The following ATP6V1H variants were observed in gnomAD, a reference collection of about 807,000 sequenced individuals.
ATP6V1H encodes V-type proton ATPase subunit H.
ATP6V1H carries 39 observed loss-of-function variants against 71.7 expected under a neutral mutation model. The ratio of observed to expected loss-of-function variants is 0.54; its 90% CI spans 0.42 to 0.71. The LOEUF (loss-of-function observed/expected upper bound fraction) is 0.71, where lower values mean the gene tolerates loss of function less well. ATP6V1H is among the 30% of genes least tolerant of loss of function. The pLI, the probability that ATP6V1H is intolerant of heterozygous loss-of-function variation, is 0.00. For missense variants in ATP6V1H, 509 were observed against 594.9 expected (o/e 0.86, Z 1.50); for synonymous variants, 192 against 199.3 (o/e 0.96, Z 0.31).
At position 53,808,573 on chromosome 8, in the gene ATP6V1H, G is replaced by C. The variant is rs143118571; in HGVS notation, c.579+2591C>G. ...GCCTGAGCTCAGGAGTTCAAGACCA[G>C]CCTGGACAACATAGCGAGACCTTGT... On this transcript the variant is annotated intron_variant, in intron 7 of 13. Transcript: ENST00000359530. Among the ~76,000 whole-genome samples the C allele has an allele frequency of 2.6e-5, 4 of 152,284 alleles. No individual in the cohort carries two copies. The East Asian group carries it at 7.7e-4, about 29-fold the overall frequency.
chr8:53,800,864 G>A (rs543051529), intron 8 of ATP6V1H, among the ~76,000 whole-genome samples: 1 of 152,144 alleles, frequency 6.6e-6, no homozygotes, highest in Admixed American at 6.5e-5. Flanking sequence ...TATTTTTAAA[G>A]GGTCTGTTGG....
Position 53,755,054 on chromosome 8 carries a change from C to T in ATP6V1H, c.1277+1501G>A, listed in dbSNP as rs547836295. The stretch of plus-strand genomic sequence containing the variant: ...TTTCAGTAAGGTTAAAGGGAGTGGC[C>T]ATGGTATAGCAGTGAGAGCTGCCTC... On this transcript the variant is annotated intron_variant, in intron 12 of 13. Coordinates refer to ENST00000359530, the MANE Select transcript of ATP6V1H (RefSeq NM_015941.4). Among the ~76,000 whole-genome samples the T allele has an allele frequency of 3.3e-3, 495 of 152,234 alleles. 3 individuals are homozygous for T. Among genetic ancestry groups the T allele is most frequent in the Non-Finnish European group, 6.0e-3 (406 of 68,010 alleles).
intron 11 of ATP6V1H, among the ~76,000 whole-genome samples, chr8:53,761,714 C>G (rs981020275): frequency 1.4e-4 from 21 of 152,156 alleles, no homozygotes; most frequent in African/African-American, 4.1e-4. Flanking sequence ...TTTGATTTGC[C>G]ATTTTGTTTA....
intron 11 of ATP6V1H, among the ~76,000 whole-genome samples, chr8:53,762,833 G>A (rs1003079955): frequency 2.7e-5 from 4 of 149,276 alleles, no homozygotes; most frequent in African/African-American, 7.5e-5. Context: ...CTTACACATG[G>A]ATTTTCTTAC....
At chr8:53,753,476 G>C (rs963058904) in intron 12 of ATP6V1H, among the ~76,000 whole-genome samples, 9 of 152,188 alleles carry the variant, frequency 5.9e-5, no homozygotes, top group African/African-American at 1.9e-4. Flanking sequence ...GGCATAGCAG[G>C]CTTCTGCCTT....
intron 13 of ATP6V1H, chr8:53,739,601 A>G (rs1447583840): frequency 6.6e-6 from 1 of 152,234 alleles, no homozygotes; most frequent in Non-Finnish European, 1.5e-5. Flanking sequence ...ATATGCACAT[A>G]TCGTTGCTTC....
chr8:53,780,754 T>C (rs955653497), intron 9 of ATP6V1H, among the ~76,000 whole-genome samples: 14 of 152,094 alleles, frequency 9.2e-5, no homozygotes, highest in African/African-American at 2.9e-4. Context: ...TGTGTTCTCA[T>C]TGTTCAATTC....
chr8:53,829,459 C>T lies in ATP6V1H; in HGVS notation c.291G>A (p.Val97=), dbSNP rs1810930638. The T allele has an allele frequency of 1.2e-6, 2 of 1,604,132 alleles. No homozygotes were observed. The highest frequency in any genetic ancestry group is 1.7e-5 in the Admixed American group (1 of 58,838). ...ATATACCTACCTGCAGCATATCATC[C>T]ACCATAGTTAGTATATACTGAACGG... ...EQTVQYILTM[V]DDMLQENHQR... Residue 97 remains valine (V), a synonymous_variant, in exon 4 of 14, where the codon GTG becomes GTA. Coordinates refer to ENST00000359530, the MANE Select transcript of ATP6V1H (RefSeq NM_015941.4).
chr8:53,770,276 T>C (rs2130313628), intron 10 of ATP6V1H, among the ~76,000 whole-genome samples: 1 of 152,248 alleles, frequency 6.6e-6, no homozygotes. Context: ...ATTGAATTAA[T>C]CCATTACAGA....
At chr8:53,837,886 G>C (rs1017512834) in intron 2 of ATP6V1H, among the ~76,000 whole-genome samples, 1 of 152,108 alleles carries the variant, frequency 6.6e-6, no homozygotes, top group Non-Finnish European at 1.5e-5. Context: ...TCTTTTGGAC[G>C]TAGAGCTGGA....
intron 13 of ATP6V1H, among the ~76,000 whole-genome samples, chr8:53,742,315 C>T (rs1458650246): frequency 1.3e-5 from 2 of 152,176 alleles, no homozygotes; most frequent in Non-Finnish European, 2.9e-5. Flanking sequence ...AGCACCTCCA[C>T]CCCTGAGTGT....
intron 9 of ATP6V1H, among the ~76,000 whole-genome samples, chr8:53,794,374 TA>T (rs1470549453): frequency 6.6e-6 from 1 of 152,230 alleles, no homozygotes; most frequent in Non-Finnish European, 1.5e-5. Context: ...CATTTTACTT[TA>T]TTTTTTTTGA....
chr8:53,729,872 A>G (rs899790763), intron 13 of ATP6V1H, among the ~76,000 whole-genome samples: 4 of 152,116 alleles, frequency 2.6e-5, no homozygotes, highest in Admixed American at 2.6e-4. Context: ...CTCTGGCTTC[A>G]CTCAGCAGGT....
At chr8:53,815,327 T>C (rs1810412183) in intron 5 of ATP6V1H, among the ~76,000 whole-genome samples, 1 of 152,236 alleles carries the variant, frequency 6.6e-6, no homozygotes, top group Non-Finnish European at 1.5e-5. Context: ...TAAAATTAAA[T>C]AGGCAATATA....
intron 2 of ATP6V1H, among the ~76,000 whole-genome samples, chr8:53,837,935 A>T: frequency 6.6e-6 from 1 of 152,066 alleles, no homozygotes; most frequent in Admixed American, 6.6e-5. Flanking sequence ...TGTGAGCAAA[A>T]GGGAAGCAGC....
intron 4 of ATP6V1H, among the ~76,000 whole-genome samples, chr8:53,821,616 G>A (rs1810664623): frequency 6.6e-6 from 1 of 152,202 alleles, no homozygotes; most frequent in African/African-American, 2.4e-5. Flanking sequence ...GAACTTGGGA[G>A]GTGGAGGTTG....
At chr8:53,747,224 C>A (rs1466406512) in intron 12 of ATP6V1H, among the ~76,000 whole-genome samples, 3 of 152,072 alleles carry the variant, frequency 2.0e-5, no homozygotes, top group Admixed American at 6.5e-5. Context: ...AATGATATCA[C>A]ACTATAACAT....
chr8:53,835,653 GTTTTCA>G (rs534946822), intron 2 of ATP6V1H, among the ~76,000 whole-genome samples: 11 of 151,550 alleles, frequency 7.3e-5, no homozygotes, highest in Non-Finnish European at 1.0e-4. Context: ...CTGTAACTTT[GTTTTCA>G]CACATGCTCA....
At chr8:53,746,422 GC>G (rs955739937) in intron 12 of ATP6V1H, among the ~76,000 whole-genome samples, 5 of 151,790 alleles carry the variant, frequency 3.3e-5, no homozygotes, top group Non-Finnish European at 7.4e-5. Flanking sequence ...TCACCACCAC[GC>G]CCAGCTCATT....
Sources: gnomAD v4.1 joint callset for allele counts (sites outside exome capture counted in the v4.1 genomes callset) on GRCh38, gnomAD v4.1.1 for gene constraint, MANE v1.5 for transcripts, NCBI Gene and HGNC (gene_info 2026-07-23, HGNC 2026-07-21) for gene names.